Variants in GULP1 observed in about 807,000 individuals in gnomAD.
GULP1 encodes the protein GULP PTB domain containing engulfment adaptor 1.
GULP1 carries 19 observed loss-of-function variants against 40.9 expected under a neutral mutation model. The observed-to-expected ratio is 0.46, with a 90% CI of 0.32 to 0.68. GULP1 has a LOEUF of 0.68. Among genes scored for constraint, GULP1 ranks in the 30% least tolerant of loss-of-function variants. The pLI is 0.03. For missense variants in GULP1, 312 were observed against 362.2 expected (o/e 0.86, Z 1.12); for synonymous variants, 119 against 117.6 (o/e 1.01, Z -0.08).
At chr2:188,553,764 G>A (rs533250248) in intron 7 of GULP1, among the ~76,000 whole-genome samples, 1 of 151,962 alleles carries the variant, frequency 6.6e-6, no homozygotes, top group East Asian at 1.9e-4. Context: ...GAATTTTATT[G>A]TGAATCCATC....
chr2:188,534,728 C>A (rs1280855984), intron 6 of GULP1, among the ~76,000 whole-genome samples: 1 of 152,006 alleles, frequency 6.6e-6, no homozygotes, highest in Non-Finnish European at 1.5e-5. Context: ...TTCCCACCTA[C>A]TATTTTTATT....
In GULP1 at chr2:188,364,903, T is replaced by TAC. The variant is rs146488035; in HGVS notation, c.-171-18846_-171-18845dup. On this transcript the variant is annotated intron_variant, in intron 1 of 11. Transcript: ENST00000409830. Reference sequence around the variant, plus strand: ...ACACACACACACGTATATACACAAATACACACACACACACATATATATGTG... The same window carrying TAC: ...ACACACACACACGTATATACACAAATACACACACACACACACATATATATGTG... Among the ~76,000 whole-genome samples, 114 of 147,616 alleles carry TAC rather than the reference T, an allele frequency of 7.7e-4. 1 individual carries two copies. Among genetic ancestry groups the TAC allele is most frequent in the African/African-American group, 1.9e-3 (74 of 39,970 alleles).
chr2:188,525,604 T>G (rs1685971725), intron 5 of GULP1, among the ~76,000 whole-genome samples: 1 of 152,162 alleles, frequency 6.6e-6, no homozygotes. Flanking sequence ...TACATGTAAG[T>G]AAGTATTGAT....
intron 5 of GULP1, among the ~76,000 whole-genome samples, chr2:188,523,711 T>G (rs1178132878): frequency 1.3e-5 from 2 of 152,146 alleles, no homozygotes; most frequent in East Asian, 3.8e-4. Context: ...TCAGAGACAT[T>G]AAATGGTATT....
At chr2:188,497,986 G>T (rs762577999) in intron 4 of GULP1, among the ~76,000 whole-genome samples, 1 of 151,916 alleles carries the variant, frequency 6.6e-6, no homozygotes. Context: ...ATTAATGCTA[G>T]ATTTCCACAC....
chr2:188,439,915 A>G (rs954663972), intron 2 of GULP1, among the ~76,000 whole-genome samples: 1 of 152,224 alleles, frequency 6.6e-6, no homozygotes, highest in Admixed American at 6.5e-5. Flanking sequence ...GTACCAGACA[A>G]TAGAAAAGGG....
intron 6 of GULP1, among the ~76,000 whole-genome samples, chr2:188,540,479 A>G (rs1575907882): frequency 6.6e-6 from 1 of 151,758 alleles, no homozygotes; most frequent in Non-Finnish European, 1.5e-5. Context: ...TGCTGCAACT[A>G]TATCGATCTG....
chr2:188,408,531 T>C (rs1259257785), intron 2 of GULP1, among the ~76,000 whole-genome samples: 1 of 152,144 alleles, frequency 6.6e-6, no homozygotes, highest in African/African-American at 2.4e-5. Context: ...CAAATATTAA[T>C]AGACCTGAAG....
chr2:188,498,373 A>G (rs7424417), intron 4 of GULP1, among the ~76,000 whole-genome samples: 19,101 of 151,896 alleles, frequency 0.13, 1,555 homozygotes, highest in Non-Finnish European at 0.19. Context: ...TGAATTTTAG[A>G]TTCTATAGAA....
At chr2:188,366,572 G>A (rs2046817174) in intron 1 of GULP1, among the ~76,000 whole-genome samples, 1 of 149,300 alleles carries the variant, frequency 6.7e-6, no homozygotes, top group Admixed American at 6.7e-5. Context: ...TTTGTAGGGC[G>A]ACTTCCAGTT....
chr2:188,404,659 G>A lies in GULP1; in HGVS notation c.-45+20770G>A, dbSNP rs146926000. Among the ~76,000 whole-genome samples the A allele has an allele frequency of 1.9e-3, 290 of 152,260 alleles. 1 individual carries two copies. Among genetic ancestry groups the A allele is most frequent in the Non-Finnish European group, 2.1e-3 (144 of 68,000 alleles). ...GGGACTTTATCTCTGGGCCCACCCC[G>A]TTGTTAGGCTGACCCCTGTGGCCCT... On this transcript the variant is annotated intron_variant, in intron 2 of 11. Coordinates refer to ENST00000409830, the MANE Select transcript of GULP1 (RefSeq NM_016315.4).
intron 1 of GULP1, among the ~76,000 whole-genome samples, chr2:188,315,951 T>G (rs1259779597): frequency 6.6e-6 from 1 of 152,012 alleles, no homozygotes; most frequent in African/African-American, 2.4e-5. Context: ...TATTGTTAAG[T>G]GAATGAATGT....
intron 7 of GULP1, among the ~76,000 whole-genome samples, chr2:188,554,783 T>C (rs1351911609): frequency 1.3e-5 from 2 of 152,088 alleles, no homozygotes; most frequent in Non-Finnish European, 2.9e-5. Flanking sequence ...TCTCTTTAGA[T>C]CTAGAAATAT....
At chr2:188,367,272 A>G (rs1342145278) in intron 1 of GULP1, among the ~76,000 whole-genome samples, 2 of 152,154 alleles carry the variant, frequency 1.3e-5, no homozygotes, top group Non-Finnish European at 2.9e-5. Flanking sequence ...GTCTGTGTGA[A>G]CTGGTCACGA....
chr2:188,515,687 AT>A (rs2065095413), intron 4 of GULP1, among the ~76,000 whole-genome samples: 1 of 148,808 alleles, frequency 6.7e-6, no homozygotes, highest in Non-Finnish European at 1.5e-5. Flanking sequence ...ATAGATACAC[AT>A]ACACACTTAC....
At chr2:188,394,045 C>A (rs2050886205) in intron 2 of GULP1, among the ~76,000 whole-genome samples, 1 of 152,096 alleles carries the variant, frequency 6.6e-6, no homozygotes. Context: ...GTTCTTTGAT[C>A]TTCTTATATT....
In GULP1 at chr2:188,595,020, A is replaced by T. The variant is rs1204523034; in HGVS notation, c.*1009A>T. On this transcript the variant is annotated 3_prime_UTR_variant, in exon 12 of 12. Coordinates refer to ENST00000409830, the MANE Select transcript of GULP1 (RefSeq NM_016315.4). ...GAATTATCAATATTTGGTAAATTCAATCTGTATTTGTTTTGTTAAAGTCAA... is the reference window on the plus strand; with the variant it reads ...GAATTATCAATATTTGGTAAATTCATTCTGTATTTGTTTTGTTAAAGTCAA... 1 of 149,884 alleles carries T rather than the reference A, an allele frequency of 6.7e-6. No individual in the cohort carries two copies. The allele number at this position is 149,884 out of a possible 1,614,324, so 9.3% of individuals were successfully genotyped here.
chr2:188,318,932 G>A (rs67240894), intron 1 of GULP1, among the ~76,000 whole-genome samples: 37,044 of 151,994 alleles, frequency 0.24, 5,022 homozygotes, highest in African/African-American at 0.37. Flanking sequence ...TTCCTGGACA[G>A]AGTCAAGAAC....
intron 5 of GULP1, among the ~76,000 whole-genome samples, chr2:188,524,076 G>A (rs954061748): frequency 2.0e-5 from 3 of 152,092 alleles, no homozygotes; most frequent in African/African-American, 7.2e-5. Flanking sequence ...CTATTTAAAT[G>A]CTTTTAAAAT....
Sources: gnomAD v4.1 joint callset for allele counts (sites outside exome capture counted in the v4.1 genomes callset) on GRCh38, gnomAD v4.1.1 for gene constraint, MANE v1.5 for transcripts, NCBI Gene and HGNC (gene_info 2026-07-23, HGNC 2026-07-21) for gene names.